Variants in CLDN18 observed in about 807,000 individuals in gnomAD.
CLDN18 encodes claudin-18.
A neutral mutation model predicts 25.0 loss-of-function variants in CLDN18; 20 were observed. The ratio of observed to expected loss-of-function variants is 0.80; its 90% CI spans 0.56 to 1.16. CLDN18 has a LOEUF of 1.16. Among genes scored for constraint, CLDN18 ranks in the 50% most tolerant of loss-of-function variants. CLDN18 has a pLI of 0.00. For missense variants in CLDN18, 297 were observed against 345.4 expected, an observed-to-expected ratio of 0.86 and a Z score of 1.11; for synonymous variants, 125 against 135.6, an observed-to-expected ratio of 0.92 and a Z score of 0.54.
intron 1 of CLDN18, among the ~76,000 whole-genome samples, chr3:138,022,523 T>G (rs1942283295): frequency 6.6e-6 from 1 of 152,216 alleles, no homozygotes; most frequent in East Asian, 1.9e-4. Context: ...AAATTTAAAT[T>G]TTTAAGTAGT....
At position 138,023,711 on chromosome 3, in the gene CLDN18, A is replaced by G. The variant is rs777615642; in HGVS notation, c.274A>G (p.Ile92Val). The G allele has an allele frequency of 3.1e-6, 5 of 1,613,938 alleles. No individual in the cohort carries two copies. The highest frequency in any genetic ancestry group is 1.7e-5 in the Admixed American group (1 of 59,988). Residue 92 changes from isoleucine (I) to valine (V), a missense_variant, in exon 2 of 5, where the codon ATT (isoleucine) becomes GTT (valine). Transcript: ENST00000183605. ...LMIVGIVLGAIGLLVSIFALK... is the reference protein window; with the variant it reads ...LMIVGIVLGAVGLLVSIFALK... ...GATCGTAGGCATCGTCCTGGGTGCC[A>G]TTGGCCTCCTGGTATCCATCTTTGC...
At chr3:138,007,023 C>T (rs985697728), upstream of CLDN18, among the ~76,000 whole-genome samples, 4 of 152,146 alleles carry the variant, frequency 2.6e-5, no homozygotes, top group Middle Eastern at 3.4e-3. Flanking sequence ...CTTTAATCAA[C>T]AATTTTTTTA....
Position 138,001,701 on chromosome 3 carries a change from A to C in CLDN18, c.220+2613A>C, listed in dbSNP as rs575022874. ...AAAACTCTTTGACTATTTAATAGATAGTTTATAGAAGTATTTTTCAAAGAG... is the reference window on the plus strand; with the variant it reads ...AAAACTCTTTGACTATTTAATAGATCGTTTATAGAAGTATTTTTCAAAGAG... On this transcript the variant is annotated intron_variant, in intron 1 of 4. Transcript: ENST00000343735. 2.6e-5 allele frequency among the ~76,000 whole-genome samples: 4 copies of C among 152,316 alleles called. No homozygotes were observed. The South Asian group carries it at 8.3e-4, about 32-fold the overall frequency.
chr3:138,014,857 G>A (rs1235956759), intron 1 of CLDN18, among the ~76,000 whole-genome samples: 2 of 152,136 alleles, frequency 1.3e-5, no homozygotes, highest in African/African-American at 4.8e-5. Flanking sequence ...GCTGGGAGTG[G>A]TGACTTACCC....
At chr3:138,028,221 C>T (rs1038813033) in intron 3 of CLDN18, among the ~76,000 whole-genome samples, 1 of 152,126 alleles carries the variant, frequency 6.6e-6, no homozygotes, top group Non-Finnish European at 1.5e-5. Flanking sequence ...CCTGCCACCA[C>T]ACCTGGCTAA....
intron 1 of CLDN18, among the ~76,000 whole-genome samples, chr3:138,018,538 G>A (rs1442737315): frequency 2.0e-5 from 3 of 151,788 alleles, no homozygotes; most frequent in East Asian, 1.9e-4. Flanking sequence ...GGGTTTCACC[G>A]TTTTAGCCGG....
chr3:138,018,365 C>G (rs1252718614), intron 1 of CLDN18, among the ~76,000 whole-genome samples: 2 of 131,238 alleles, frequency 1.5e-5, no homozygotes, highest in East Asian at 4.5e-4. Flanking sequence ...GAGACGGAGT[C>G]TCGCTCTGTC....
At chr3:138,000,812 C>A (rs1007238790) in intron 1 of CLDN18, among the ~76,000 whole-genome samples, 4 of 152,226 alleles carry the variant, frequency 2.6e-5, no homozygotes, top group African/African-American at 9.6e-5. Flanking sequence ...CTTGGTCTAA[C>A]CATTTGCCAC....
upstream of CLDN18, among the ~76,000 whole-genome samples, chr3:138,006,909 T>C (rs1942074988): frequency 6.6e-6 from 1 of 152,232 alleles, no homozygotes; most frequent in Non-Finnish European, 1.5e-5. Context: ...GAAAATTTAA[T>C]TCCTTATTAT....
chr3:138,010,068 G>C, upstream of CLDN18: 1 of 1,257,398 alleles, frequency 8.0e-7, no homozygotes, highest in Non-Finnish European at 1.1e-6. Context: ...AACCAGGAGC[G>C]AAACTGAGCT....
At chr3:138,010,145 CTCA>C (rs1942114591), upstream of CLDN18, 5 of 1,530,302 alleles carry the variant, frequency 3.3e-6, no homozygotes, top group Admixed American at 9.8e-5. Flanking sequence ...AAGAGCTCCC[CTCA>C]GGAGCGCGTT....
In CLDN18 at chr3:138,031,162, C is replaced by T. The variant is rs576521499; in HGVS notation, c.*21C>T. The T allele has an allele frequency of 7.8e-5, 123 of 1,570,388 alleles. 1 individual carries two copies. The highest frequency in any genetic ancestry group is 7.0e-4 in the South Asian group (60 of 85,162). ...TGTAATGCTCTAAGACCTCTCAGCA[C>T]GGGCGGAAGAAACTCCCGGAGAGCT... On this transcript the variant is annotated 3_prime_UTR_variant, in exon 5 of 5. Coordinates refer to ENST00000183605, the MANE Select transcript of CLDN18 (RefSeq NM_016369.4).
At chr3:138,029,605 T>C (rs926021099) in intron 3 of CLDN18, among the ~76,000 whole-genome samples, 192 bp from the exon 4 acceptor site, 1 of 152,222 alleles carries the variant, frequency 6.6e-6, no homozygotes, top group African/African-American at 2.4e-5. Context: ...CCCCTAACTT[T>C]AGTCCCAATT....
At chr3:138,026,175 A>AC (rs963225364) in intron 3 of CLDN18, among the ~76,000 whole-genome samples, 5 of 150,406 alleles carry the variant, frequency 3.3e-5, no homozygotes, top group East Asian at 2.0e-4. Context: ...TGGTCCTGGG[A>AC]CCCCCCTCCT....
chr3:138,001,422 C>T (rs1942014902), intron 1 of CLDN18, among the ~76,000 whole-genome samples: 1 of 146,860 alleles, frequency 6.8e-6, no homozygotes, highest in Non-Finnish European at 1.5e-5. Context: ...CAGGGTTTCA[C>T]TGTGTTAGCC....
intron 3 of CLDN18, among the ~76,000 whole-genome samples, chr3:138,025,083 G>T (rs1238522833): frequency 6.6e-6 from 1 of 152,216 alleles, no homozygotes; most frequent in African/African-American, 2.4e-5. Flanking sequence ...CTGGAACCTG[G>T]CTAGGAACAG....
chr3:138,001,731 T>C (rs183857933), intron 1 of CLDN18, among the ~76,000 whole-genome samples: 36 of 152,328 alleles, frequency 2.4e-4, no homozygotes, highest in African/African-American at 7.9e-4. Context: ...AAAGAGAATA[T>C]AGATTATAGA....
intron 1 of CLDN18, among the ~76,000 whole-genome samples, chr3:138,019,743 T>G (rs1942249520): frequency 6.6e-6 from 1 of 152,004 alleles, no homozygotes; most frequent in Non-Finnish European, 1.5e-5. Flanking sequence ...GTGCAGCCTG[T>G]GTTGAAAAAA....
chr3:138,009,117 G>A (rs1397879100), upstream of CLDN18, among the ~76,000 whole-genome samples: 1 of 152,226 alleles, frequency 6.6e-6, no homozygotes, highest in Non-Finnish European at 1.5e-5. Context: ...TCTGCAAAAT[G>A]TAGAAGATAG....
Sources: allele counts gnomAD v4.1 joint callset (sites outside exome capture counted in the v4.1 genomes callset), GRCh38; gene constraint gnomAD v4.1.1; transcripts MANE v1.5; gene names NCBI Gene and HGNC (gene_info 2026-07-23, HGNC 2026-07-21).